LRRC4C: variants seen among roughly 807,000 people sequenced by gnomAD.
LRRC4C encodes leucine-rich repeat-containing protein 4C.
LRRC4C carries 5 observed loss-of-function variants against 33.6 expected under a neutral mutation model. The ratio of observed to expected loss-of-function variants is 0.15; its 90% confidence interval spans 0.08 to 0.31. LRRC4C has a LOEUF of 0.31. Ranked by LOEUF, LRRC4C falls within the 10% of genes least tolerant of loss-of-function variation. The pLI, the probability that LRRC4C is intolerant of heterozygous loss-of-function variation, is 1.00. For missense variants in LRRC4C, 560 were observed against 796.7 expected, an observed-to-expected ratio of 0.70 and a Z score of 3.58; for synonymous variants, 329 against 302.0, an observed-to-expected ratio of 1.09 and a Z score of -0.93.
At chr11:41,115,376 TTTTTTTTTC>T in intron 1 of LRRC4C, among the ~76,000 whole-genome samples, 1 of 126,900 alleles carries the variant, frequency 7.9e-6, no homozygotes, top group Non-Finnish European at 1.7e-5. Context: ...TCCCCCCATC[TTTTTTTTTC>T]TTTTTTTTTT....
intron 3 of LRRC4C, among the ~76,000 whole-genome samples, chr11:40,475,468 G>A (rs571989803): frequency 2.0e-5 from 3 of 152,080 alleles, no homozygotes; most frequent in Non-Finnish European, 4.4e-5. Flanking sequence ...GGGGCTAGGG[G>A]AGGGATAGCA....
At chr11:40,243,554 G>A (rs886894214) in intron 4 of LRRC4C, among the ~76,000 whole-genome samples, 4 of 151,926 alleles carry the variant, frequency 2.6e-5, no homozygotes, top group Non-Finnish European at 5.9e-5. Flanking sequence ...GATGTTTATT[G>A]AGAACCCTCC....
At chr11:40,257,958 C>A (rs1287338037) in intron 4 of LRRC4C, among the ~76,000 whole-genome samples, 1 of 152,198 alleles carries the variant, frequency 6.6e-6, no homozygotes, top group African/African-American at 2.4e-5. Flanking sequence ...ACGGCTATAA[C>A]AGGTCCCGGG....
At chr11:40,416,597 A>G (rs1950332649) in intron 3 of LRRC4C, among the ~76,000 whole-genome samples, 1 of 152,194 alleles carries the variant, frequency 6.6e-6, no homozygotes, top group Non-Finnish European at 1.5e-5. Context: ...CTCAGAATTA[A>G]TTATTACAAA....
intron 3 of LRRC4C, among the ~76,000 whole-genome samples, chr11:40,640,362 T>C (rs1942033303): frequency 6.6e-6 from 1 of 152,182 alleles, no homozygotes. Flanking sequence ...AGAAATATTC[T>C]GAAATACAAA....
rs117810509 is a variant in LRRC4C at position 40,755,922 on chromosome 11, C to G, written c.-406-107644G>C. 5.4e-3 allele frequency among the ~76,000 whole-genome samples: 828 copies of G among 152,216 alleles called. 5 individuals are homozygous for G. Among genetic ancestry groups the G allele is most frequent in the Middle Eastern group, 0.01 (3 of 294 alleles). ...GAACCCCCAGTATTTCAGAATGTGA[C>G]TGTATTTAGCAATACGGCCTTTAAA... is the stretch of plus-strand genomic sequence containing the variant. On this transcript the variant is annotated intron_variant, in intron 2 of 6. Coordinates refer to ENST00000528697, the MANE Select transcript of LRRC4C (RefSeq NM_001258419.2).
In LRRC4C at chr11:40,434,539, C is replaced by T. The variant is rs1004590256; in HGVS notation, c.-269-114818G>A. 4.6e-5 allele frequency among the ~76,000 whole-genome samples: 7 copies of T among 152,172 alleles called. No individual in the cohort carries two copies. In the South Asian group the frequency reaches 8.3e-4, roughly 18 times the overall value. The stretch of plus-strand genomic sequence containing the variant: ...ACAGTCTTTCGGGAAGACTAAAAAT[C>T]AGAACAAAAACTCCGTGGGGATCTT... On this transcript the variant is annotated intron_variant, in intron 3 of 6. Transcript: ENST00000528697.
intron 5 of LRRC4C, among the ~76,000 whole-genome samples, chr11:40,210,286 C>T (rs1401754816): frequency 6.7e-6 from 1 of 150,156 alleles, no homozygotes; most frequent in African/African-American, 2.5e-5. Flanking sequence ...CCAAAAAACA[C>T]CTGCTGGATA....
intron 1 of LRRC4C, among the ~76,000 whole-genome samples, chr11:41,436,904 A>G (rs2138481791): frequency 6.6e-6 from 1 of 152,230 alleles, no homozygotes. Flanking sequence ...AATCACCAAT[A>G]TTTTTCCTAC....
chr11:41,278,824 G>GT (rs5791431), intron 1 of LRRC4C, among the ~76,000 whole-genome samples: 113,714 of 140,516 alleles, frequency 0.81, 43,644 homozygotes, highest in Admixed American at 0.86. Context: ...TTTGTTTTGT[G>GT]TTTTTTTCCC....
intron 3 of LRRC4C, among the ~76,000 whole-genome samples, chr11:40,436,442 G>A (rs1385112624): frequency 1.3e-5 from 2 of 152,120 alleles, no homozygotes; most frequent in Non-Finnish European, 2.9e-5. Context: ...GAGTAATAAA[G>A]GCAAATTTCC....
intron 2 of LRRC4C, among the ~76,000 whole-genome samples, chr11:40,912,378 T>C (rs1325029728): frequency 2.6e-5 from 4 of 152,168 alleles, no homozygotes; most frequent in African/African-American, 9.7e-5. Flanking sequence ...CAGAAGAAAG[T>C]TGGGGCCAAT....
chr11:40,421,963 G>C (rs886074090), intron 3 of LRRC4C, among the ~76,000 whole-genome samples: 1 of 152,222 alleles, frequency 6.6e-6, no homozygotes, highest in Non-Finnish European at 1.5e-5. Context: ...AGTTGAAACC[G>C]TGTTACCCCA....
chr11:40,714,026 A>C (rs1946591924), intron 2 of LRRC4C, among the ~76,000 whole-genome samples: 1 of 152,172 alleles, frequency 6.6e-6, no homozygotes, highest in Non-Finnish European at 1.5e-5. Flanking sequence ...GCTTTTACGG[A>C]AGCCAGATGC....
intron 1 of LRRC4C, among the ~76,000 whole-genome samples, chr11:41,008,182 T>C (rs10837544): frequency 0.37 from 56,035 of 151,916 alleles, 11,432 homozygotes; most frequent in East Asian, 0.52. Flanking sequence ...CTCAAATGCT[T>C]TTCTTCTTCT....
chr11:40,771,374 G>T (rs527694512), intron 2 of LRRC4C, among the ~76,000 whole-genome samples: 30 of 152,298 alleles, frequency 2.0e-4, no homozygotes, highest in African/African-American at 7.0e-4. Context: ...GCACAGAACA[G>T]CAGAGGCCTG....
At chr11:41,130,053 T>A (rs886592529) in intron 1 of LRRC4C, among the ~76,000 whole-genome samples, 1 of 152,010 alleles carries the variant, frequency 6.6e-6, no homozygotes, top group African/African-American at 2.4e-5. Flanking sequence ...GAAGAGAGAA[T>A]AGGATGTGTA....
At chr11:41,296,233 A>C (rs1055995311) in intron 1 of LRRC4C, among the ~76,000 whole-genome samples, 1 of 152,218 alleles carries the variant, frequency 6.6e-6, no homozygotes, top group African/African-American at 2.4e-5. Context: ...CCCTGCTTTC[A>C]CAAGAAATCC....
At chr11:40,689,366 A>G (rs1024144419) in intron 2 of LRRC4C, among the ~76,000 whole-genome samples, 5 of 152,102 alleles carry the variant, frequency 3.3e-5, no homozygotes, top group Non-Finnish European at 7.4e-5. Flanking sequence ...TCTTCATGAA[A>G]AAAATGGTAT....
Sources: allele counts gnomAD v4.1 joint callset (sites outside exome capture counted in the v4.1 genomes callset), GRCh38; gene constraint gnomAD v4.1.1; transcripts MANE v1.5; gene names NCBI Gene and HGNC (gene_info 2026-07-23, HGNC 2026-07-21).